The following VCAN variants were observed in gnomAD, a reference collection of about 807,000 sequenced individuals.
The protein encoded by VCAN is versican.
Under a neutral mutation model 245.5 loss-of-function variants are expected in VCAN, and 44 were observed. The observed-to-expected ratio is 0.18, with a 90% CI of 0.14 to 0.23. The LOEUF is 0.23. Among genes scored for constraint, VCAN ranks in the 10% least tolerant of loss-of-function variants. The probability of loss-of-function intolerance (pLI) is 1.00; values close to 1 mark genes in which losing one functional copy is unlikely to be tolerated. For missense variants in VCAN, 3,793 were observed against 4,057.9 expected, an observed-to-expected ratio of 0.93 and a Z score of 1.77; for synonymous variants, 1,413 against 1,437.0, an observed-to-expected ratio of 0.98 and a Z score of 0.38.
rs1748693410 is a variant in VCAN, at chr5:83,582,022, C to CTA, written c.*1588_*1589insTA. 1 of 151,972 alleles carries CTA rather than the reference C, an allele frequency of 6.6e-6. No individual in the cohort carries two copies. Among genetic ancestry groups the CTA allele is most frequent in the Non-Finnish European group, 1.5e-5 (1 of 67,998 alleles). The allele number at this position is 151,972 out of a possible 1,614,324, so 9.4% of individuals were successfully genotyped here. A position where few individuals can be genotyped will look rare whatever the true frequency, so the allele number is the denominator to read the frequency against. On this transcript the variant is annotated 3_prime_UTR_variant, in exon 15 of 15. Coordinates refer to ENST00000265077, the MANE Select transcript of VCAN (RefSeq NM_004385.5). The stretch of plus-strand genomic sequence containing the variant: ...GGCTTAGAAGGAATGACTCTAGCTA[C>CTA]AATAATACACAGTATGTTTAAGCAG...
chr5:83,547,881 G>C (rs1207323274), intron 9 of VCAN, 90 bp from the exon 10 acceptor site: 1 of 870,522 alleles, frequency 1.1e-6, no homozygotes, highest in South Asian at 1.4e-5. Flanking sequence ...TTAACTGGCT[G>C]TCTTGTATGT....
chr5:83,511,271 C>T (rs1011623347), intron 5 of VCAN, among the ~76,000 whole-genome samples: 6 of 151,902 alleles, frequency 3.9e-5, no homozygotes, highest in Non-Finnish European at 2.9e-5. Context: ...AAAGAAGTCT[C>T]TTGAACCTAG....
At chr5:83,546,111 C>T (rs1303943308) in intron 9 of VCAN, among the ~76,000 whole-genome samples, 3 of 152,018 alleles carry the variant, frequency 2.0e-5, no homozygotes, top group Non-Finnish European at 4.4e-5. Context: ...CCCTGACTCC[C>T]AGCAACCAGC....
At chr5:83,489,328 T>C (rs1744891281) in intron 2 of VCAN, among the ~76,000 whole-genome samples, 1 of 152,210 alleles carries the variant, frequency 6.6e-6, no homozygotes, top group Admixed American at 6.5e-5. Flanking sequence ...AACATTTATT[T>C]TGCAGGTAAT....
Position 83,537,432 on chromosome 5 carries a change from C to T in VCAN, c.4429C>T (p.Leu1477Phe). The change falls in exon 8 of 15, where the codon CTT becomes TTT. Residue 1477 changes from leucine to phenylalanine, a missense_variant. Around this residue, in one of 5 missense-constraint regions of VCAN, gnomAD observed 3,182 missense variants for 3,250.3 expected, o/e 0.98. Coordinates refer to ENST00000265077, the MANE Select transcript of VCAN (RefSeq NM_004385.5). ...TGAATCTACAGAAACAACTGAGTCT[C>T]TTGAAGTTACATGGAAGCCTGAGAC... ...PNESTETTES[L>F]EVTWKPETYP... 1 of 1,613,948 alleles carries T rather than the reference C, an allele frequency of 6.2e-7. No individual in the cohort carries two copies. The highest frequency in any genetic ancestry group is 2.2e-5 in the East Asian group (1 of 44,872).
At chr5:83,511,039 G>A (rs149177291) in intron 5 of VCAN, among the ~76,000 whole-genome samples, 20,436 of 149,506 alleles carry the variant, frequency 0.14, 1,751 homozygotes, top group Middle Eastern at 0.18. Context: ...GCTTGAACCC[G>A]GGAGGTGTAG....
chr5:83,485,997 G>A (rs557531267), intron 2 of VCAN, among the ~76,000 whole-genome samples: 1 of 152,174 alleles, frequency 6.6e-6, no homozygotes, highest in East Asian at 1.9e-4. Flanking sequence ...TGGGCCTGTA[G>A]TAGCCCAGTA....
At chr5:83,479,172 T>C (rs1744526731) in intron 1 of VCAN, among the ~76,000 whole-genome samples, 1 of 152,190 alleles carries the variant, frequency 6.6e-6, no homozygotes, top group Non-Finnish European at 1.5e-5. Flanking sequence ...TGATGCTCAT[T>C]ACATCCACTT....
intron 12 of VCAN, among the ~76,000 whole-genome samples, chr5:83,560,506 G>A (rs1284682604): frequency 6.6e-6 from 1 of 152,090 alleles, no homozygotes; most frequent in African/African-American, 2.4e-5. Flanking sequence ...ATCTGAGGCT[G>A]TTTATTCAAG....
At chr5:83,513,581 T>C (rs758079894) in intron 6 of VCAN, among the ~76,000 whole-genome samples, 1 of 152,200 alleles carries the variant, frequency 6.6e-6, no homozygotes, top group African/African-American at 2.4e-5. Flanking sequence ...GTTAAAGCCA[T>C]GTGTTCTGTA....
At chr5:83,580,268 T>C (rs967732883) in intron 14 of VCAN, 39 bp from the exon 15 acceptor site, 2 of 1,613,644 alleles carry the variant, frequency 1.2e-6, no homozygotes, top group African/African-American at 2.7e-5. Flanking sequence ...GCAAGTAATA[T>C]TGTGTGTTTT....
At position 83,505,256 on chromosome 5, in the gene VCAN, C is replaced by G. The variant is rs141625129; in HGVS notation, c.749-6847C>G. 1.7e-3 allele frequency among the ~76,000 whole-genome samples: 261 copies of G among 152,238 alleles called. 6 individuals carry two copies. In the East Asian group the frequency reaches 0.046, roughly 27 times the overall value. ...AACCCAAAAGTCCACAGTCCAAAGT[C>G]TCATTTGAGACAAGGCAAGTCCCTT... On this transcript the variant is annotated intron_variant, in intron 5 of 14. Transcript: ENST00000265077.
chr5:83,542,750 G>C (rs1431910852), intron 8 of VCAN, among the ~76,000 whole-genome samples: 1 of 152,172 alleles, frequency 6.6e-6, no homozygotes. Flanking sequence ...TTCAGAGTTT[G>C]TGCAGTATCA....
chr5:83,576,528 G>C (rs988444567), intron 13 of VCAN, among the ~76,000 whole-genome samples: 1 of 152,108 alleles, frequency 6.6e-6, no homozygotes, highest in African/African-American at 2.4e-5. Flanking sequence ...ATGTTTCTAT[G>C]AGCATTCTTG....
chr5:83,559,194 A>C (rs887588689), intron 12 of VCAN, among the ~76,000 whole-genome samples: 2 of 152,202 alleles, frequency 1.3e-5, no homozygotes, highest in Non-Finnish European at 2.9e-5. Context: ...AACTTAAACA[A>C]ACTTTTCTTA....
intron 7 of VCAN, 127 bp downstream of exon 7, chr5:83,522,436 A>G: frequency 1.0e-6 from 1 of 968,400 alleles, no homozygotes; most frequent in Non-Finnish European, 1.5e-6. Context: ...TGAAAAATAA[A>G]TGTTTTAGCT....
chr5:83,540,551 A>C lies in VCAN; in HGVS notation c.7548A>C (p.Thr2516=). The C allele has an allele frequency of 6.2e-7, 1 of 1,613,998 alleles. No individual in the cohort carries two copies. The highest frequency in any genetic ancestry group is 1.7e-5 in the Admixed American group (1 of 59,996). The part of the protein sequence containing the change: ...LSNTVSYERS[T]DGSFQDRFRE... Reference sequence around the variant, plus strand: ...ATACAGTGTCATATGAGAGGTCCACAGACGGTAGTTTCCAAGACCGTTTCA... The same window carrying C: ...ATACAGTGTCATATGAGAGGTCCACCGACGGTAGTTTCCAAGACCGTTTCA... Residue 2516 remains threonine, a synonymous_variant, in exon 8 of 15, where the codon ACA becomes ACC. Coordinates refer to ENST00000265077, the MANE Select transcript of VCAN (RefSeq NM_004385.5).
At position 83,571,410 on chromosome 5, in the gene VCAN, T is replaced by A. The variant is rs188430317; in HGVS notation, c.9736-1006T>A. Among the ~76,000 whole-genome samples, 443 of 152,210 alleles carry A rather than the reference T, an allele frequency of 2.9e-3. 6 individuals are homozygous for A. Among genetic ancestry groups the A allele is most frequent in the Non-Finnish European group, 3.4e-3 (233 of 68,000 alleles). On this transcript the variant is annotated intron_variant, in intron 12 of 14. Transcript: ENST00000265077. Reference sequence around the variant, plus strand: ...ATAACATCTCTAAGGTCCAAATAATTCCCTATTATGCTGCATTGTTGTAAG... The same window carrying A: ...ATAACATCTCTAAGGTCCAAATAATACCCTATTATGCTGCATTGTTGTAAG...
At chr5:83,501,718 AGT>A (rs1745334641) in intron 5 of VCAN, among the ~76,000 whole-genome samples, 1 of 152,172 alleles carries the variant, frequency 6.6e-6, no homozygotes, top group African/African-American at 2.4e-5. Context: ...GAAAATGGAA[AGT>A]GTGAGGCTTC....
Sources: allele counts gnomAD v4.1 joint callset (sites outside exome capture counted in the v4.1 genomes callset), GRCh38; gene constraint gnomAD v4.1.1; regional missense constraint gnomAD v4.1.1; transcripts MANE v1.5; gene names NCBI Gene and HGNC (gene_info 2026-07-23, HGNC 2026-07-21).